Variants in PRKDC observed in about 807,000 individuals in gnomAD.
The protein encoded by PRKDC is DNA-dependent protein kinase catalytic subunit.
PRKDC carries 82 observed loss-of-function variants against 486.9 expected under a neutral mutation model. The ratio of observed to expected loss-of-function variants is 0.17; its 90% CI spans 0.14 to 0.20. The LOEUF (loss-of-function observed/expected upper bound fraction) is 0.20, where lower values mean the gene tolerates loss of function less well. Among genes scored for constraint, PRKDC ranks in the 10% least tolerant of loss-of-function variants. The probability of loss-of-function intolerance (pLI) is 1.00; values close to 1 mark genes in which losing one functional copy is unlikely to be tolerated. For synonymous variants in PRKDC, 1,895 were observed against 1,837.0 expected (o/e 1.03, Z -0.81); for missense variants, 4,504 against 5,038.2 (o/e 0.89, Z 3.21).
chr8:47,895,286 G>T (rs1166317303), intron 30 of PRKDC, among the ~76,000 whole-genome samples: 1 of 152,164 alleles, frequency 6.6e-6, no homozygotes, highest in Non-Finnish European at 1.5e-5. Flanking sequence ...ACCCTGCAAG[G>T]CCACAGAAGA....
At chr8:47,835,206 T>A (rs2087987754) in intron 58 of PRKDC, among the ~76,000 whole-genome samples, 1 of 152,188 alleles carries the variant, frequency 6.6e-6, no homozygotes, top group Non-Finnish European at 1.5e-5. Flanking sequence ...TAACTATAAA[T>A]CTAGTAAATG....
intron 70 of PRKDC, among the ~76,000 whole-genome samples, chr8:47,802,798 G>A (rs551731639): frequency 3.3e-5 from 5 of 152,106 alleles, no homozygotes; most frequent in African/African-American, 9.6e-5. Flanking sequence ...GACTACAGGC[G>A]CCCACCACCA....
chr8:47,799,383 G>C lies in PRKDC; in HGVS notation c.10124C>G (p.Ala3375Gly). Residue 3375 changes from alanine to glycine, a missense_variant, in exon 72 of 86, where the codon GCG (alanine) becomes GGG (glycine). Transcript: ENST00000314191. ...SSSEDSEKVIAGLYQRAFQHL... is the reference protein window; with the variant it reads ...SSSEDSEKVIGGLYQRAFQHL... ...CTGGAATGCTCTCTGGTACAGACCC[G>C]CGATCACCTGGAATTCACAGAGACC... The C allele has an allele frequency of 1.9e-6, 3 of 1,545,408 alleles. No homozygotes were observed. Among genetic ancestry groups the C allele is most frequent in the Non-Finnish European group, 2.6e-6 (3 of 1,150,330 alleles).
In PRKDC at chr8:47,858,626, G is replaced by C. The variant is rs199864974; in HGVS notation, c.6355C>G (p.Pro2119Ala). ...GPPQGEEDSV[P>A]RDLPSWMKFL... ...TTCATCCAAGAAGGAAGATCTCTTG[G>C]CACTGAATCCTAAAATAAAACATTC... Residue 2119 changes from proline (P) to alanine (A), a missense_variant, in exon 48 of 86, where the codon CCA becomes GCA. Pro to Ala is a conservative substitution (Grantham distance 27, BLOSUM62 -1). Transcript: ENST00000314191. The C allele has an allele frequency of 3.6e-4, 545 of 1,523,558 alleles. 6 individuals carry two copies. Among genetic ancestry groups the C allele is most frequent in the Non-Finnish European group, 2.1e-5 (24 of 1,136,334 alleles). 94.4% of individuals were successfully genotyped at this position (1,523,558 alleles called of 1,614,324 possible). A position where few individuals can be genotyped will look rare whatever the true frequency, so the allele number is the denominator to read the frequency against.
intron 65 of PRKDC, among the ~76,000 whole-genome samples, chr8:47,821,314 C>T (rs569269142): frequency 5.9e-5 from 9 of 152,170 alleles, no homozygotes; most frequent in Admixed American, 1.3e-4. Flanking sequence ...GCCAGTGATC[C>T]GGGGCGACTT....
chr8:47,788,813 A>C (rs2086836273), intron 76 of PRKDC, 93 bp downstream of exon 76: 5 of 1,182,754 alleles, frequency 4.2e-6, no homozygotes, highest in Non-Finnish European at 5.5e-6. Flanking sequence ...ATTAATGATT[A>C]CATTTAATAC....
Position 47,902,686 on chromosome 8 carries a change from T to C in PRKDC, c.3152A>G (p.Lys1051Arg). 6.2e-7 allele frequency: 1 copy of C among 1,614,008 alleles called. No homozygotes were observed. The highest frequency in any genetic ancestry group is 8.5e-7 in the Non-Finnish European group (1 of 1,179,858). ...AAGCGATTTGGTGTTTACTGGACTC[T>C]TCTCCTGCTGCTGTGGTGTTATTTG... is the stretch of plus-strand genomic sequence containing the variant. ...IKQITPQQQE[K>R]SPVNTKSLFK... The change falls in exon 27 of 86, where the codon AAG (lysine) becomes AGG (arginine). Residue 1051 changes from lysine to arginine, a missense_variant. Physicochemically the swap from Lys to Arg is conservative, Grantham distance 26. Coordinates refer to ENST00000314191, the MANE Select transcript of PRKDC (RefSeq NM_006904.7).
intron 74 of PRKDC, among the ~76,000 whole-genome samples, chr8:47,789,637 A>T (rs545171290): frequency 1.8e-4 from 28 of 152,322 alleles, no homozygotes; most frequent in African/African-American, 6.7e-4. Context: ...TCCCTGATGA[A>T]CATTAATGCA....
At chr8:47,824,583 G>A (rs1465107547) in intron 63 of PRKDC, among the ~76,000 whole-genome samples, 2 of 151,546 alleles carry the variant, frequency 1.3e-5, no homozygotes, top group Non-Finnish European at 2.9e-5. Context: ...AATATCTACA[G>A]GCGAACCATT....
At chr8:47,788,526 A>T (rs1444589417) in intron 76 of PRKDC, among the ~76,000 whole-genome samples, 1 of 152,200 alleles carries the variant, frequency 6.6e-6, no homozygotes, top group African/African-American at 2.4e-5. Context: ...AGCACCCAGA[A>T]CTGTGCCCCG....
chr8:47,804,757 CTGTTTTGTTT>C (rs764972729), intron 69 of PRKDC, among the ~76,000 whole-genome samples: 2 of 152,024 alleles, frequency 1.3e-5, no homozygotes, highest in East Asian at 3.9e-4. Flanking sequence ...CTCTGTTCAA[CTGTTTTGTTT>C]TGTTTTGTTT....
intron 62 of PRKDC, among the ~76,000 whole-genome samples, 175 bp downstream of exon 62, chr8:47,827,993 G>A (rs1478884927): frequency 6.6e-6 from 1 of 152,178 alleles, no homozygotes; most frequent in African/African-American, 2.4e-5. Context: ...TTTTTCTGGG[G>A]GGAAAAAATA....
At chr8:47,779,912 CTTTTTTTTTT>C (rs925534980) in intron 80 of PRKDC, among the ~76,000 whole-genome samples, 3 of 107,066 alleles carry the variant, frequency 2.8e-5, no homozygotes, top group African/African-American at 3.5e-5. Flanking sequence ...TTTGTTTTGT[CTTTTTTTTTT>C]TTTTTTTTTT....
intron 57 of PRKDC, among the ~76,000 whole-genome samples, chr8:47,836,938 T>C (rs936919955): frequency 6.6e-6 from 1 of 152,206 alleles, no homozygotes; most frequent in African/African-American, 2.4e-5. Context: ...TTTAGGCTGC[T>C]GCGAGACAGG....
intron 11 of PRKDC, among the ~76,000 whole-genome samples, chr8:47,937,708 G>C (rs1279300933): frequency 6.6e-6 from 1 of 152,172 alleles, no homozygotes; most frequent in African/African-American, 2.4e-5. Flanking sequence ...ATAGATCACT[G>C]TGTAAAGGGA....
At chr8:47,830,558 A>G in intron 61 of PRKDC, 47 bp downstream of exon 61, 1 of 1,601,086 alleles carries the variant, frequency 6.2e-7, no homozygotes, top group Non-Finnish European at 8.5e-7. Flanking sequence ...CCTGAACTGG[A>G]AACAGATTTT....
At chr8:47,912,353 A>C in intron 25 of PRKDC, 57 bp downstream of exon 25, 2 of 1,464,678 alleles carry the variant, frequency 1.4e-6, no homozygotes, top group South Asian at 3.0e-5. Flanking sequence ...TGACCACTGA[A>C]TTAGACAAAC....
At position 47,807,132 on chromosome 8, in the gene PRKDC, C is replaced by T. The variant is rs2087229045; in HGVS notation, c.9747+5G>A. On this transcript the variant is annotated splice_donor_5th_base_variant and intron_variant, in intron 69 of 85. Transcript: ENST00000314191. Reference sequence around the variant, plus strand: ...ACAGCAGGGAGGACAGACACGAGTACCCACCTGCTTCCGGGCACTGTCTAT... The same window carrying T: ...ACAGCAGGGAGGACAGACACGAGTATCCACCTGCTTCCGGGCACTGTCTAT... 3 of 1,612,546 alleles carry T rather than the reference C, an allele frequency of 1.9e-6. No individual in the cohort carries two copies. In the East Asian group the frequency reaches 6.7e-5, roughly 36 times the overall value.
At chr8:47,799,456 A>G in intron 71 of PRKDC, 66 bp from the exon 72 acceptor site, 1 of 1,391,858 alleles carries the variant, frequency 7.2e-7, no homozygotes, top group Non-Finnish European at 9.4e-7. Flanking sequence ...TCTGCTTTCC[A>G]TTTGTGACTC....
Sources: allele counts gnomAD v4.1 joint callset (sites outside exome capture counted in the v4.1 genomes callset), GRCh38; gene constraint gnomAD v4.1.1; transcripts MANE v1.5; gene names NCBI Gene and HGNC (gene_info 2026-07-23, HGNC 2026-07-21).